The following THSD4 variants were observed in gnomAD, a reference collection of about 807,000 sequenced individuals.
THSD4 encodes thrombospondin type-1 domain-containing protein 4.
In THSD4, 69 loss-of-function variants were observed where a neutral mutation model predicts 119.0. The ratio of observed to expected loss-of-function variants is 0.58; its 90% CI spans 0.48 to 0.71. The LOEUF is 0.71. Ranked by LOEUF, THSD4 falls within the 30% of genes least tolerant of loss-of-function variation. The probability of loss-of-function intolerance (pLI) is 0.00; values close to 1 mark genes in which losing one functional copy is unlikely to be tolerated. For missense variants in THSD4, 1,393 were observed against 1,391.1 expected (o/e 1.00, Z -0.02); for synonymous variants, 524 against 540.4 (o/e 0.97, Z 0.42).
At chr15:71,389,185 C>T (rs917753681) in intron 6 of THSD4, among the ~76,000 whole-genome samples, 10 of 152,106 alleles carry the variant, frequency 6.6e-5, no homozygotes, top group African/African-American at 2.2e-4. Flanking sequence ...TTTAAGTGTA[C>T]AGTAGTGTTA....
At chr15:71,505,504 C>G (rs1033393286) in intron 7 of THSD4, among the ~76,000 whole-genome samples, 10 of 152,132 alleles carry the variant, frequency 6.6e-5, no homozygotes, top group African/African-American at 2.4e-4. Flanking sequence ...CAAAAGTAGA[C>G]AGCCAAATCA....
At chr15:71,618,970 T>TCC (rs2050371638) in intron 7 of THSD4, among the ~76,000 whole-genome samples, 1 of 151,484 alleles carries the variant, frequency 6.6e-6, no homozygotes, top group African/African-American at 2.4e-5. Context: ...TACTTGAATA[T>TCC]TCTTTTTTTT....
intron 4 of THSD4, among the ~76,000 whole-genome samples, chr15:71,222,555 A>C (rs28681359): frequency 0.059 from 9,024 of 152,258 alleles, 937 homozygotes; most frequent in African/African-American, 0.2. Flanking sequence ...AGCCTCAACT[A>C]TGAAAATCAT....
intron 8 of THSD4, among the ~76,000 whole-genome samples, chr15:71,671,363 C>CT (rs1411938639): frequency 2.4e-4 from 37 of 152,036 alleles, no homozygotes; most frequent in Non-Finnish European, 4.7e-4. Context: ...TGTTTAAGTT[C>CT]TTTGTAGATT....
At chr15:71,556,736 GCCT>G (rs2049024397) in intron 7 of THSD4, among the ~76,000 whole-genome samples, 1 of 150,254 alleles carries the variant, frequency 6.7e-6, no homozygotes, top group African/African-American at 2.4e-5. Flanking sequence ...CTTCACTCCA[GCCT>G]GGGTGGCAGA....
intron 7 of THSD4, among the ~76,000 whole-genome samples, chr15:71,561,952 C>G (rs2049129429): frequency 6.6e-6 from 1 of 150,700 alleles, no homozygotes; most frequent in Admixed American, 6.6e-5. Context: ...TTCTCTAGAG[C>G]CAGAAAGTGA....
intron 6 of THSD4, among the ~76,000 whole-genome samples, chr15:71,356,056 C>G (rs1470467216): frequency 6.6e-6 from 1 of 151,948 alleles, no homozygotes; most frequent in African/African-American, 2.4e-5. Flanking sequence ...TTAGTAGAGA[C>G]AGGGTTTCAC....
At chr15:71,364,526 A>G (rs574703747) in intron 6 of THSD4, among the ~76,000 whole-genome samples, 77 of 152,208 alleles carry the variant, frequency 5.1e-4, no homozygotes, top group Non-Finnish European at 8.8e-4. Flanking sequence ...CTCACAGAGT[A>G]ACTAAAGAAA....
intron 6 of THSD4, among the ~76,000 whole-genome samples, chr15:71,332,891 C>CCTTTTTTTTTTTTTTTTTTTTT (rs1184457820): frequency 7.9e-5 from 3 of 38,030 alleles, no homozygotes; most frequent in Admixed American, 4.4e-4. Flanking sequence ...GATTTTTTTA[C>CCTTTTTTTTTTTTTTTTTTTTT]ATTTTTTTTT....
intron 4 of THSD4, 64 bp downstream of exon 4, chr15:71,215,463 C>A: frequency 1.4e-6 from 2 of 1,418,786 alleles, no homozygotes; most frequent in Non-Finnish European, 1.9e-6. Context: ...CCTGTCCCTG[C>A]CCCTGCCTCG....
chr15:71,717,482 G>T (rs1048069678), intron 8 of THSD4, among the ~76,000 whole-genome samples: 2 of 151,804 alleles, frequency 1.3e-5, no homozygotes, highest in Admixed American at 6.6e-5. Context: ...AATAAGACAA[G>T]ACAGGTGGAC....
At chr15:71,148,619 A>G (rs1015703381) in intron 2 of THSD4, among the ~76,000 whole-genome samples, 1 of 152,162 alleles carries the variant, frequency 6.6e-6, no homozygotes, top group African/African-American at 2.4e-5. Context: ...GCGTCCACCT[A>G]GTTTCTGATG....
At position 71,242,850 on chromosome 15, in the gene THSD4, G is replaced by A. The variant is rs368631099; in HGVS notation, c.666G>A (p.Gly222=). The change falls in exon 5 of 18, where the codon GGG becomes GGA. Residue 222 remains glycine (G), a synonymous_variant. Transcript: ENST00000261862. The part of the protein sequence containing the change: ...SSPAHQVPQH[G]PLYQSDSGPR... ...CAGCCCACCAGGTCCCCCAACATGG[G>A]CCTTTGTACCAAAGTGACAGTGGCC... is the stretch of plus-strand genomic sequence containing the variant. 1.4e-4 allele frequency: 224 copies of A among 1,614,072 alleles called. No individual in the cohort carries two copies. Among genetic ancestry groups the A allele is most frequent in the Non-Finnish European group, 1.8e-4 (211 of 1,180,050 alleles).
At chr15:71,492,750 A>G (rs2047941306) in intron 7 of THSD4, among the ~76,000 whole-genome samples, 1 of 152,152 alleles carries the variant, frequency 6.6e-6, no homozygotes, top group Admixed American at 6.5e-5. Flanking sequence ...TCTTTTTCAA[A>G]GTGCAGAAGC....
intron 11 of THSD4, among the ~76,000 whole-genome samples, chr15:71,741,062 C>A (rs1302262673): frequency 6.6e-6 from 1 of 152,056 alleles, no homozygotes; most frequent in African/African-American, 2.4e-5. Context: ...ATTTCAAATG[C>A]GGAATATATG....
At chr15:71,633,283 T>G (rs2050671381) in intron 7 of THSD4, among the ~76,000 whole-genome samples, 1 of 144,710 alleles carries the variant, frequency 6.9e-6, no homozygotes, top group Admixed American at 6.9e-5. Context: ...TTTTTTTTTT[T>G]TTTTTTTTTG....
intron 1 of THSD4, 40 bp from the exon 2 acceptor site, chr15:71,141,409 A>G (rs2040602517): frequency 9.2e-7 from 1 of 1,089,218 alleles, no homozygotes; most frequent in Non-Finnish European, 1.3e-6. Flanking sequence ...GAATCTTCCT[A>G]AGTAAATGTT....
At chr15:71,325,268 T>G (rs1274463468) in intron 6 of THSD4, among the ~76,000 whole-genome samples, 3 of 152,116 alleles carry the variant, frequency 2.0e-5, no homozygotes, top group African/African-American at 7.2e-5. Flanking sequence ...TCCAGAAAAA[T>G]GAGACTGTTA....
intron 1 of THSD4, among the ~76,000 whole-genome samples, chr15:71,129,476 G>A (rs1335302943): frequency 6.6e-6 from 1 of 152,184 alleles, no homozygotes; most frequent in African/African-American, 2.4e-5. Context: ...TCAAGAAAAA[G>A]GGGGATAGTG....
Sources: gnomAD v4.1 joint callset for allele counts (sites outside exome capture counted in the v4.1 genomes callset) on GRCh38, gnomAD v4.1.1 for gene constraint, MANE v1.5 for transcripts, NCBI Gene and HGNC (gene_info 2026-07-23, HGNC 2026-07-21) for gene names.